EFCAB8: variants seen among roughly 807,000 people sequenced by gnomAD.
The protein encoded by EFCAB8 is EF-hand calcium binding domain 8.
EFCAB8 carries 100 observed loss-of-function variants against 116.3 expected under a neutral mutation model. The observed-to-expected ratio is 0.86, with a 90% CI of 0.73 to 1.02. The LOEUF is 1.02. EFCAB8 is among the 50% of genes least tolerant of loss of function. The pLI is 0.00. For synonymous variants in EFCAB8, 558 were observed against 567.9 expected (o/e 0.98, Z 0.25); for missense variants, 1,320 against 1,416.9 (o/e 0.93, Z 1.10).
chr20:32,881,960 C>A (rs1389229847), intron 5 of EFCAB8, among the ~76,000 whole-genome samples: 3 of 152,188 alleles, frequency 2.0e-5, no homozygotes, highest in Non-Finnish European at 2.9e-5. Flanking sequence ...GTAATCCCAG[C>A]ACTTTGGGAG....
At chr20:32,959,145 A>G (rs1989063163) in intron 24 of EFCAB8, among the ~76,000 whole-genome samples, 1 of 152,234 alleles carries the variant, frequency 6.6e-6, no homozygotes, top group South Asian at 2.1e-4. Flanking sequence ...CTAGAAATAC[A>G]AGACATCCAG....
chr20:32,914,002 C>T (rs1987066714), intron 17 of EFCAB8, among the ~76,000 whole-genome samples: 1 of 152,246 alleles, frequency 6.6e-6, no homozygotes, highest in South Asian at 2.1e-4. Context: ...CCCATGGTGG[C>T]TCTATGCCTG....
At chr20:32,890,358 C>G (rs1028206828) in intron 7 of EFCAB8, among the ~76,000 whole-genome samples, 10 of 152,262 alleles carry the variant, frequency 6.6e-5, no homozygotes, top group Non-Finnish European at 4.4e-5. Context: ...GAAGCCCTCC[C>G]TGACCCTCTA....
rs1986776318 is a variant in EFCAB8 at position 32,908,387 on chromosome 20, A to G, written c.1421A>G (p.Asn474Ser). Reference protein sequence around the residue: ...ITSAYFFEKDNTLICSTYSIG... With the variant: ...ITSAYFFEKDSTLICSTYSIG... ...AGTGCCTACTTCTTCGAGAAGGACA[A>G]TACCCTCATCTGCAGCACCTACTCA... The change falls in exon 14 of 27, where the codon AAT (asparagine) becomes AGT (serine). Residue 474 changes from asparagine (N) to serine (S), a missense_variant. Coordinates refer to ENST00000400522, the MANE Select transcript of EFCAB8 (RefSeq NM_001143967.2). The G allele has an allele frequency of 1.6e-6, 2 of 1,249,976 alleles. No individual in the cohort carries two copies. Among genetic ancestry groups the G allele is most frequent in the South Asian group, 4.1e-5 (1 of 24,406 alleles). The allele number at this position is 1,249,976 out of a possible 1,614,324, so 77.4% of individuals were successfully genotyped here.
intron 11 of EFCAB8, among the ~76,000 whole-genome samples, chr20:32,905,014 G>T (rs918172540): frequency 2.3e-4 from 35 of 152,166 alleles, no homozygotes; most frequent in African/African-American, 8.2e-4. Context: ...CAGAGCATCT[G>T]CGGTTCTTAG....
In EFCAB8 at chr20:32,859,383, G is replaced by GCCTTCCCTT. The variant is rs575101194; in HGVS notation, c.-11+388_-11+396dup. ...AATATCAACCGAGTTTTACATCTCAGCCTTCCCTTCCTTCCCTTCAGAGTT... is the reference window on the plus strand; with the variant it reads ...AATATCAACCGAGTTTTACATCTCAGCCTTCCCTTCCTTCCCTTCCTTCCCTTCAGAGTT... On this transcript the variant is annotated intron_variant, in intron 1 of 26. Transcript: ENST00000400522. Among the ~76,000 whole-genome samples, 65 of 152,264 alleles carry GCCTTCCCTT rather than the reference G, an allele frequency of 4.3e-4. 1 individual carries two copies. Among genetic ancestry groups the GCCTTCCCTT allele is most frequent in the Admixed American group, 3.5e-3 (54 of 15,280 alleles).
intron 3 of EFCAB8, among the ~76,000 whole-genome samples, chr20:32,874,867 C>G (rs996879445): frequency 2.0e-5 from 3 of 152,196 alleles, no homozygotes; most frequent in Admixed American, 1.3e-4. Context: ...CTGCCTCAAC[C>G]TCCCAAGTAG....
intron 20 of EFCAB8, among the ~76,000 whole-genome samples, chr20:32,922,362 G>T (rs1987496723): frequency 1.3e-5 from 2 of 152,206 alleles, no homozygotes; most frequent in Non-Finnish European, 2.9e-5. Context: ...AATCTGTGAA[G>T]TCAAGGTAGA....
In EFCAB8 at chr20:32,902,297, G is replaced by T. The variant is rs529858873; in HGVS notation, c.1088+3674G>T. Among the ~76,000 whole-genome samples the T allele has an allele frequency of 2.1e-3, 318 of 152,300 alleles. 1 individual carries two copies. Among genetic ancestry groups the T allele is most frequent in the Non-Finnish European group, 3.7e-3 (255 of 68,020 alleles). On this transcript the variant is annotated intron_variant, in intron 11 of 26. Transcript: ENST00000400522. ...GCAATAGTTGAGGCTGCATAGGATG[G>T]TGGCCTGGAGCTGGGCTGTGTTGTG...
intron 13 of EFCAB8, 96 bp downstream of exon 13, chr20:32,907,090 G>T: frequency 7.0e-7 from 1 of 1,436,500 alleles, no homozygotes; most frequent in Non-Finnish European, 9.1e-7. Context: ...CCCCACATCT[G>T]GCCAAAGGCC....
Position 32,945,474 on chromosome 20 carries a change from A to G in EFCAB8, c.2959+1670A>G, listed in dbSNP as rs187833890. Among the ~76,000 whole-genome samples, 26 of 152,068 alleles carry G rather than the reference A, an allele frequency of 1.7e-4. No individual in the cohort carries two copies. In the East Asian group the frequency reaches 4.8e-3, roughly 28 times the overall value. ...GCTGGCCTCTGTTTGGTTCTTTTCTATATTTTCTGTGTCTTCACTAATATT... is the reference window on the plus strand; with the variant it reads ...GCTGGCCTCTGTTTGGTTCTTTTCTGTATTTTCTGTGTCTTCACTAATATT... On this transcript the variant is annotated intron_variant, in intron 23 of 26. Coordinates refer to ENST00000400522, the MANE Select transcript of EFCAB8 (RefSeq NM_001143967.2).
intron 20 of EFCAB8, among the ~76,000 whole-genome samples, chr20:32,927,298 A>G (rs1181376738): frequency 1.3e-5 from 2 of 152,090 alleles, no homozygotes; most frequent in African/African-American, 4.8e-5. Flanking sequence ...CACTGGCTGC[A>G]GTGTATTTCT....
chr20:32,894,247 G>C (rs1449123727), intron 9 of EFCAB8, among the ~76,000 whole-genome samples: 1 of 152,200 alleles, frequency 6.6e-6, no homozygotes, highest in Non-Finnish European at 1.5e-5. Context: ...TTACTAAGCA[G>C]GACACTCCAG....
intron 3 of EFCAB8, among the ~76,000 whole-genome samples, chr20:32,872,251 A>G (rs1051566076): frequency 6.6e-6 from 1 of 152,172 alleles, no homozygotes; most frequent in African/African-American, 2.4e-5. Context: ...CAGCTGTGTG[A>G]CCTTGGGCAA....
Position 32,860,493 on chromosome 20 carries a change from C to CTT in EFCAB8, c.-11+1517_-11+1518dup, listed in dbSNP as rs71190881. On this transcript the variant is annotated intron_variant, in intron 1 of 26. Transcript: ENST00000400522. ...TTTGTTCCATCGCTGATGGTGGTAACTTTTTTTTTTTTTTTTTTTTTTTTT... is the reference window on the plus strand; with the variant it reads ...TTTGTTCCATCGCTGATGGTGGTAACTTTTTTTTTTTTTTTTTTTTTTTTTTT... Among the ~76,000 whole-genome samples the CTT allele has an allele frequency of 3.0e-3, 253 of 83,974 alleles. 34 individuals carry two copies. Among genetic ancestry groups the CTT allele is most frequent in the African/African-American group, 0.012 (148 of 12,784 alleles). The allele number at this position is 83,974 out of a possible 152,430, so 55.1% of individuals were successfully genotyped here.
rs1454863930 is a variant in EFCAB8 at position 32,917,500 on chromosome 20, A to G, written c.2056A>G (p.Lys686Glu). ...ASRSPSPLQP[K>E]RVQDVNNCLA... ...TAGGAGCCCCTCGCCCTTGCAGCCC[A>G]AGAGGGTATGTTAACAGGAGCACAC... is the stretch of plus-strand genomic sequence containing the variant. The change falls in exon 18 of 27, where the codon AAG becomes GAG. Residue 686 changes from lysine (K) to glutamate (E), a missense_variant. Coordinates refer to ENST00000400522, the MANE Select transcript of EFCAB8 (RefSeq NM_001143967.2). The G allele has an allele frequency of 2.6e-6, 4 of 1,550,122 alleles. No homozygotes were observed. The highest frequency in any genetic ancestry group is 3.5e-6 in the Non-Finnish European group (4 of 1,146,120).
intron 1 of EFCAB8, among the ~76,000 whole-genome samples, chr20:32,859,912 A>G (rs1984016035): frequency 6.6e-6 from 1 of 152,172 alleles, no homozygotes; most frequent in African/African-American, 2.4e-5. Flanking sequence ...TTTTTTCCCA[A>G]TCGGATTCAA....
chr20:32,867,616 C>G lies in EFCAB8; in HGVS notation c.77C>G (p.Ala26Gly). 6.4e-7 allele frequency: 1 copy of G among 1,551,676 alleles called. No homozygotes were observed. The highest frequency in any genetic ancestry group is 8.7e-7 in the Non-Finnish European group (1 of 1,146,988). The change falls in exon 3 of 27, where the codon GCT becomes GGT. Residue 26 changes from alanine (A) to glycine (G), a missense_variant. By Grantham distance (60) the Ala-to-Gly change is moderately conservative (BLOSUM62 0). Transcript: ENST00000400522. ...SIPHGFQNKE[A>G]ASSPTPSITL... is the part of the protein sequence containing the mutation. ...CCACATGGCTTCCAGAACAAGGAGG[C>G]TGCTAGCTCCCCAACACCATCCATC...
At chr20:32,874,087 AT>A (rs1984825997) in intron 3 of EFCAB8, among the ~76,000 whole-genome samples, 1 of 151,622 alleles carries the variant, frequency 6.6e-6, no homozygotes, top group African/African-American at 2.4e-5. Context: ...TGCCTGGCTA[AT>A]TTTTGTATTT....
Sources: allele counts gnomAD v4.1 joint callset (sites outside exome capture counted in the v4.1 genomes callset), GRCh38; gene constraint gnomAD v4.1.1; transcripts MANE v1.5; gene names NCBI Gene and HGNC (gene_info 2026-07-23, HGNC 2026-07-21).